DUOX1: variants seen among roughly 807,000 people sequenced by gnomAD.
DUOX1 encodes the protein NADPH thyroid oxidase 1.
DUOX1 carries 134 observed loss-of-function variants against 181.8 expected under a neutral mutation model. The ratio of observed to expected loss-of-function variants is 0.74; its 90% CI spans 0.64 to 0.85. DUOX1 has a LOEUF of 0.85. DUOX1 is among the 40% of genes least tolerant of loss of function. The pLI is 0.00. For missense variants in DUOX1, 1,814 were observed against 2,064.4 expected, an observed-to-expected ratio of 0.88 and a Z score of 2.35; for synonymous variants, 798 against 832.5, an observed-to-expected ratio of 0.96 and a Z score of 0.71.
At chr15:45,150,591 C>T in intron 21 of DUOX1, 41 bp from the exon 22 acceptor site, 1 of 1,601,322 alleles carries the variant, frequency 6.2e-7, no homozygotes, top group Non-Finnish European at 8.5e-7. Context: ...TTCCTGGGCT[C>T]TGGACCCTGA....
intron 26 of DUOX1, 94 bp downstream of exon 26, chr15:45,153,573 GGAAA>G (rs1896886786): frequency 2.3e-6 from 3 of 1,277,166 alleles, no homozygotes; most frequent in Non-Finnish European, 3.4e-6. Context: ...CCTTTTGGGT[GGAAA>G]GAAATTATCT....
At chr15:45,153,655 C>T in intron 26 of DUOX1, 176 bp downstream of exon 26, 1 of 726,516 alleles carries the variant, frequency 1.4e-6, no homozygotes, top group Middle Eastern at 3.7e-4. Flanking sequence ...CCCCTAATGC[C>T]AAGTCAGCAG....
In DUOX1 at chr15:45,164,132, A is replaced by G. The variant is rs150276037; in HGVS notation, c.4533+214A>G. ...ATAGGGACTTGCCATCTCTGAAGCC[A>G]AGATGTATTGTCCAGAAGGAAGAGC... On this transcript the variant is annotated intron_variant, in intron 33 of 33. Coordinates refer to ENST00000389037, the MANE Select transcript of DUOX1 (RefSeq NM_175940.3). 1.9e-4 allele frequency among the ~76,000 whole-genome samples: 29 copies of G among 152,304 alleles called. No homozygotes were observed. The East Asian group carries it at 5.6e-3, about 29-fold the overall frequency.
chr15:45,143,185 C>T lies in DUOX1; in HGVS notation c.1823-5C>T. 6.2e-7 allele frequency: 1 copy of T among 1,613,530 alleles called. No individual in the cohort carries two copies. The highest frequency in any genetic ancestry group is 8.5e-7 in the Non-Finnish European group (1 of 1,179,558). On this transcript the variant is annotated splice_polypyrimidine_tract_variant and splice_region_variant and intron_variant, in intron 15 of 33. Coordinates refer to ENST00000389037, the MANE Select transcript of DUOX1 (RefSeq NM_175940.3). ...CTCCCTGAACCTCTGCCTCTGCCCTCCCAGTGAGCCTGCTCAGTGCCTGGA... is the reference window on the plus strand; with the variant it reads ...CTCCCTGAACCTCTGCCTCTGCCCTTCCAGTGAGCCTGCTCAGTGCCTGGA...
chr15:45,136,400 G>C lies in DUOX1; in HGVS notation c.915G>C (p.Pro305=), dbSNP rs144786721. ...WLPSFLQKTL[P]EYTGYRPFLD... ...CCAGCTTCCTGCAGAAAACACTCCCGGAGTATACAGGTGAGGGAGCGGGGA... is the reference window on the plus strand; with the variant it reads ...CCAGCTTCCTGCAGAAAACACTCCCCGAGTATACAGGTGAGGGAGCGGGGA... Residue 305 remains proline, a synonymous_variant, in exon 8 of 34, where the codon CCG becomes CCC. Coordinates refer to ENST00000389037, the MANE Select transcript of DUOX1 (RefSeq NM_175940.3). 6.2e-7 allele frequency: 1 copy of C among 1,613,988 alleles called. No individual in the cohort carries two copies. Among genetic ancestry groups the C allele is most frequent in the African/African-American group, 1.3e-5 (1 of 74,908 alleles).
chr15:45,163,817 G>T lies in DUOX1; in HGVS notation c.4432G>T (p.Val1478Phe). The T allele has an allele frequency of 6.2e-7, 1 of 1,614,132 alleles. No homozygotes were observed. Among genetic ancestry groups the T allele is most frequent in the Non-Finnish European group, 8.5e-7 (1 of 1,180,020 alleles). ...CATCTGTGAGCGGCACTTCCAGAAG[G>T]TTCTGAACCGGAGTCTATTCACAGG... ...LYICERHFQKVLNRSLFTGLR... is the reference protein window; with the variant it reads ...LYICERHFQKFLNRSLFTGLR... The change falls in exon 33 of 34, where the codon GTT (valine) becomes TTT (phenylalanine). Residue 1478 changes from valine (V) to phenylalanine (F), a missense_variant. By Grantham distance (50) the Val-to-Phe change is conservative. Coordinates refer to ENST00000389037, the MANE Select transcript of DUOX1 (RefSeq NM_175940.3).
In DUOX1 at chr15:45,143,120, G is replaced by C. The variant is rs573432583; in HGVS notation, c.1823-70G>C. On this transcript the variant is annotated intron_variant, in intron 15 of 33. Coordinates refer to ENST00000389037, the MANE Select transcript of DUOX1 (RefSeq NM_175940.3). ...AATAGGTGGTATTGCCAGGTAAGGA[G>C]CTGAGAAAGGAGCTGCTTCCATCCC... 1.7e-3 allele frequency: 2,010 copies of C among 1,196,354 alleles called. 5 individuals carry two copies. Among genetic ancestry groups the C allele is most frequent in the Non-Finnish European group, 1.8e-3 (1,503 of 818,320 alleles). 74.1% of individuals were successfully genotyped at this position (1,196,354 alleles called of 1,614,324 possible).
At position 45,139,612 on chromosome 15, in the gene DUOX1, C is replaced by A; in HGVS notation, c.1389+13C>A. On this transcript the variant is annotated intron_variant, in intron 12 of 33. Coordinates refer to ENST00000389037, the MANE Select transcript of DUOX1 (RefSeq NM_175940.3). ...GAGCAATGACACTGTGAGGAGGGGT[C>A]AGGACCCAGAGGGTAGGGCGGGAGG... 1 of 1,554,116 alleles carries A rather than the reference C, an allele frequency of 6.4e-7. No individual in the cohort carries two copies. Among genetic ancestry groups the A allele is most frequent in the South Asian group, 1.2e-5 (1 of 82,166 alleles).
In DUOX1 at chr15:45,153,360, C is replaced by A. The variant is rs1046051159; in HGVS notation, c.3425-20C>A. 6.2e-7 allele frequency: 1 copy of A among 1,609,188 alleles called. No individual in the cohort carries two copies. Among genetic ancestry groups the A allele is most frequent in the South Asian group, 1.1e-5 (1 of 90,994 alleles). ...ACCCTGGGCTGCCCCAAGCTCACCACTTGGTCTGCTCTTCCTTAGTCTTAC... is the reference window on the plus strand; with the variant it reads ...ACCCTGGGCTGCCCCAAGCTCACCAATTGGTCTGCTCTTCCTTAGTCTTAC... On this transcript the variant is annotated intron_variant, in intron 25 of 33. Transcript: ENST00000389037.
At chr15:45,164,511 C>T (rs886095768) in intron 33 of DUOX1, among the ~76,000 whole-genome samples, 1 of 151,510 alleles carries the variant, frequency 6.6e-6, no homozygotes, top group Non-Finnish European at 1.5e-5. Flanking sequence ...CTCTGTTGCC[C>T]AGGCTGTAAT....
In DUOX1 at chr15:45,148,389, T is replaced by C; in HGVS notation, c.2760T>C (p.Phe920=). 1.2e-6 allele frequency: 2 copies of C among 1,614,136 alleles called. No homozygotes were observed. Among genetic ancestry groups the C allele is most frequent in the South Asian group, 1.1e-5 (1 of 91,074 alleles). Reference sequence around the variant, plus strand: ...AGGAGGAACTGACATGGGAAGATTTTCACTTCATGCTGCGGGACCACAATA... The same window carrying C: ...AGGAGGAACTGACATGGGAAGATTTCCACTTCATGCTGCGGGACCACAATA... ...QDKEELTWED[F]HFMLRDHNSE... Residue 920 remains phenylalanine, a synonymous_variant, in exon 21 of 34, where the codon TTT becomes TTC. Coordinates refer to ENST00000389037, the MANE Select transcript of DUOX1 (RefSeq NM_175940.3).
intron 28 of DUOX1, among the ~76,000 whole-genome samples, chr15:45,159,506 T>A (rs1280899805): frequency 1.3e-5 from 2 of 152,124 alleles, no homozygotes; most frequent in Non-Finnish European, 2.9e-5. Context: ...TGCTGGGCCC[T>A]CAGTGGGAAG....
intron 10 of DUOX1, chr15:45,138,724 C>T (rs1896405822): frequency 4.4e-6 from 1 of 228,858 alleles, no homozygotes; most frequent in Admixed American, 5.2e-5. Flanking sequence ...CAGAGAGGGC[C>T]TGTGACTTGC....
intron 16 of DUOX1, 101 bp downstream of exon 16, chr15:45,143,404 C>A: frequency 1.1e-6 from 1 of 916,130 alleles, no homozygotes; most frequent in Non-Finnish European, 1.7e-6. Context: ...CCTCCCTTTT[C>A]TAGGACTGTA....
chr15:45,161,859 G>A lies in DUOX1; in HGVS notation c.3978G>A (p.Ala1326=), dbSNP rs759317619. 6 of 1,613,408 alleles carry A rather than the reference G, an allele frequency of 3.7e-6. No homozygotes were observed. In the South Asian group the frequency reaches 4.4e-5, roughly 12 times the overall value. The part of the protein sequence containing the change: ...TEYHPFTLTS[A]PHEDTLSLHI... ...ACCACCCCTTCACACTGACCTCTGC[G>A]CCCCATGAGGACACGCTTAGCCTGC... Residue 1326 remains alanine, a synonymous_variant, in exon 30 of 34, where the codon GCG becomes GCA. Coordinates refer to ENST00000389037, the MANE Select transcript of DUOX1 (RefSeq NM_175940.3).
intron 25 of DUOX1, 111 bp from the exon 26 acceptor site, chr15:45,153,269 A>G (rs1896863841): frequency 2.8e-6 from 2 of 725,372 alleles, no homozygotes; most frequent in East Asian, 5.5e-5. Flanking sequence ...GAGACTCCTA[A>G]GGTACTTCTC....
Position 45,148,423 on chromosome 15 carries a change from C to T in DUOX1, c.2794C>T (p.Arg932Cys), listed in dbSNP as rs148902727. Residue 932 changes from arginine to cysteine, a missense_variant, in exon 21 of 34, where the codon CGC (arginine) becomes TGC (cysteine). Arg to Cys is a radical substitution (Grantham distance 180). Transcript: ENST00000389037. ...FMLRDHNSELRFTQLCVKGVE... is the reference protein window; with the variant it reads ...FMLRDHNSELCFTQLCVKGVE... ...GCTGCGGGACCACAATAGCGAGCTC[C>T]GCTTCACGCAGCTCTGTGTCAAAGG... 1,006 of 1,613,712 alleles carry T rather than the reference C, an allele frequency of 6.2e-4. 1 individual carries two copies. Among genetic ancestry groups the T allele is most frequent in the Non-Finnish European group, 7.7e-4 (904 of 1,179,756 alleles).
chr15:45,150,849 C>A (rs1896782639), intron 22 of DUOX1, 148 bp downstream of exon 22: 2 of 856,766 alleles, frequency 2.3e-6, no homozygotes, highest in African/African-American at 1.7e-5. Context: ...GCAGACACAG[C>A]CCTGTGCCAG....
chr15:45,136,387 A>C lies in DUOX1; in HGVS notation c.902A>C (p.Gln301Pro). Residue 301 changes from glutamine (Q) to proline (P), a missense_variant, in exon 8 of 34, where the codon CAG (glutamine) becomes CCG (proline). Gln to Pro is a moderately conservative substitution (Grantham distance 76, BLOSUM62 -1). Around this residue, in one of 5 missense-constraint regions of DUOX1, gnomAD observed 1,064 missense variants for 1,152.9 expected, o/e 0.92. Transcript: ENST00000389037. ...AVYEWLPSFL[Q>P]KTLPEYTGYR... is the part of the protein sequence containing the mutation. ...TATGAGTGGCTGCCCAGCTTCCTGCAGAAAACACTCCCGGAGTATACAGGT... is the reference window on the plus strand; with the variant it reads ...TATGAGTGGCTGCCCAGCTTCCTGCCGAAAACACTCCCGGAGTATACAGGT... 6.2e-7 allele frequency: 1 copy of C among 1,614,054 alleles called. No homozygotes were observed. Among genetic ancestry groups the C allele is most frequent in the Non-Finnish European group, 8.5e-7 (1 of 1,180,024 alleles).
Sources: allele counts gnomAD v4.1 joint callset (sites outside exome capture counted in the v4.1 genomes callset), GRCh38; gene constraint gnomAD v4.1.1; regional missense constraint gnomAD v4.1.1; transcripts MANE v1.5; gene names NCBI Gene and HGNC (gene_info 2026-07-23, HGNC 2026-07-21).